ADGRB3: variants seen among roughly 807,000 people sequenced by gnomAD.
The protein encoded by ADGRB3 is brain-specific angiogenesis inhibitor 3.
In ADGRB3, 37 loss-of-function variants were observed where a neutral mutation model predicts 193.4. The observed-to-expected ratio is 0.19, with a 90% confidence interval of 0.15 to 0.25. The LOEUF (loss-of-function observed/expected upper bound fraction) is 0.25, where lower values mean the gene tolerates loss of function less well. ADGRB3 is among the 10% of genes least tolerant of loss of function. The pLI, the probability that ADGRB3 is intolerant of heterozygous loss-of-function variation, is 1.00. For missense variants in ADGRB3, 1,637 were observed against 1,852.9 expected, an observed-to-expected ratio of 0.88 and a Z score of 2.14; for synonymous variants, 690 against 644.2, an observed-to-expected ratio of 1.07 and a Z score of -1.08.
At chr6:68,929,671 A>G (rs1767283771) in intron 3 of ADGRB3, among the ~76,000 whole-genome samples, 1 of 152,160 alleles carries the variant, frequency 6.6e-6, no homozygotes, top group Non-Finnish European at 1.5e-5. Context: ...TCCATATATT[A>G]GGCTCTGATT....
At chr6:68,906,810 G>A (rs1056532534) in intron 3 of ADGRB3, among the ~76,000 whole-genome samples, 1 of 151,864 alleles carries the variant, frequency 6.6e-6, no homozygotes, top group African/African-American at 2.4e-5. Context: ...TTCCTGGTTT[G>A]TTGTTAAACT....
rs548404506 is a variant in ADGRB3 at position 68,753,533 on chromosome 6, C to T, written c.757+114101C>T. On this transcript the variant is annotated intron_variant, in intron 3 of 31. Coordinates refer to ENST00000370598, the MANE Select transcript of ADGRB3 (RefSeq NM_001704.3). Reference sequence around the variant, plus strand: ...TTTTGGGGAGTCATGGTCAAGTTCGCACTATGTAACAGGAAGGTAGAAACT... The same window carrying T: ...TTTTGGGGAGTCATGGTCAAGTTCGTACTATGTAACAGGAAGGTAGAAACT... Among the ~76,000 whole-genome samples the T allele has an allele frequency of 8.5e-5, 13 of 152,104 alleles. No individual in the cohort carries two copies. In the South Asian group the frequency reaches 2.3e-3, roughly 27 times the overall value.
chr6:68,937,030 T>C (rs1767504242), intron 5 of ADGRB3, among the ~76,000 whole-genome samples: 1 of 152,188 alleles, frequency 6.6e-6, no homozygotes, highest in South Asian at 2.1e-4. Context: ...ATACTAAAAA[T>C]ATAATGTATA....
At chr6:68,956,925 A>G (rs887847594) in intron 8 of ADGRB3, 116 bp downstream of exon 8, 1 of 1,150,782 alleles carries the variant, frequency 8.7e-7, no homozygotes, top group Non-Finnish European at 1.2e-6. Context: ...ACTACTAATG[A>G]TAGGTGGCAA....
chr6:69,120,291 A>G (rs1466194124), intron 17 of ADGRB3, among the ~76,000 whole-genome samples: 3 of 152,210 alleles, frequency 2.0e-5, no homozygotes, highest in Admixed American at 1.3e-4. Flanking sequence ...CTTGTTAGAA[A>G]TGCATACTTT....
chr6:69,330,631 T>C, intron 23 of ADGRB3, 59 bp downstream of exon 23: 6 of 1,440,510 alleles, frequency 4.2e-6, no homozygotes, highest in Non-Finnish European at 5.7e-6. Flanking sequence ...GACTACTTTC[T>C]TTCAATTAGA....
intron 3 of ADGRB3, among the ~76,000 whole-genome samples, chr6:68,785,527 G>A (rs1766949042): frequency 6.6e-6 from 1 of 151,860 alleles, no homozygotes; most frequent in Non-Finnish European, 1.5e-5. Context: ...TGGTGTATAT[G>A]TGCCACATTT....
At chr6:69,223,202 C>G (rs1460703088) in intron 17 of ADGRB3, among the ~76,000 whole-genome samples, 1 of 151,968 alleles carries the variant, frequency 6.6e-6, no homozygotes, top group Non-Finnish European at 1.5e-5. Context: ...TCCAGTGAAC[C>G]CTTATTTTTG....
At chr6:68,816,799 A>G (rs751543956) in intron 3 of ADGRB3, among the ~76,000 whole-genome samples, 2 of 152,130 alleles carry the variant, frequency 1.3e-5, no homozygotes, top group African/African-American at 2.4e-5. Flanking sequence ...TCCTAAGTAA[A>G]TGGGCAAATC....
intron 20 of ADGRB3, among the ~76,000 whole-genome samples, chr6:69,268,622 T>G (rs191545758): frequency 1.1e-4 from 16 of 152,284 alleles, no homozygotes; most frequent in Non-Finnish European, 1.9e-4. Flanking sequence ...TCTCAGGCCA[T>G]AAGACCCCTT....
chr6:69,233,146 C>G (rs755493644), intron 17 of ADGRB3, 144 bp from the exon 18 acceptor site: 4 of 1,180,104 alleles, frequency 3.4e-6, no homozygotes, highest in Non-Finnish European at 4.8e-6. Flanking sequence ...TAAATTACAT[C>G]CTGTTCAACA....
intron 10 of ADGRB3, among the ~76,000 whole-genome samples, chr6:68,992,018 T>G (rs1380578580): frequency 6.6e-6 from 1 of 152,110 alleles, no homozygotes; most frequent in Non-Finnish European, 1.5e-5. Flanking sequence ...CAACAAAATT[T>G]TGCTATGCTG....
At chr6:69,150,686 C>G (rs1269227468) in intron 17 of ADGRB3, among the ~76,000 whole-genome samples, 1 of 152,176 alleles carries the variant, frequency 6.6e-6, no homozygotes, top group East Asian at 1.9e-4. Flanking sequence ...AGGAGGCTTT[C>G]CTTGTACCCA....
Position 69,060,975 on chromosome 6 carries a change from G to A in ADGRB3, c.2334-1959G>A, listed in dbSNP as rs116639922. On this transcript the variant is annotated intron_variant, in intron 15 of 31. Transcript: ENST00000370598. The stretch of plus-strand genomic sequence containing the variant: ...TCACTTTTACTCACAGAAAAACATG[G>A]AAGAATAATTTGGCAAAAGAAGCTT... Among the ~76,000 whole-genome samples the A allele has an allele frequency of 6.6e-3, 996 of 151,662 alleles. 9 individuals carry two copies. The highest frequency in any genetic ancestry group is 0.024 in the Middle Eastern group (7 of 294).
chr6:69,177,330 T>A (rs1187582731), intron 17 of ADGRB3, among the ~76,000 whole-genome samples: 1 of 152,098 alleles, frequency 6.6e-6, no homozygotes, highest in Non-Finnish European at 1.5e-5. Context: ...ATGTTGTGTC[T>A]GTTTTTCTTT....
In ADGRB3 at chr6:68,640,557, G is replaced by A. The variant is rs115225374; in HGVS notation, c.757+1125G>A. Among the ~76,000 whole-genome samples the A allele has an allele frequency of 8.7e-3, 1,321 of 152,286 alleles. 12 individuals carry two copies. The highest frequency in any genetic ancestry group is 0.03 in the African/African-American group (1,243 of 41,562). ...TGTGTTGATTTCTTATGCAGGAAAT[G>A]TTTTCTGATTGCCACAAAGATCCCA... On this transcript the variant is annotated intron_variant, in intron 3 of 31. Transcript: ENST00000370598.
intron 20 of ADGRB3, among the ~76,000 whole-genome samples, chr6:69,298,159 G>A (rs1318633271): frequency 1.3e-5 from 2 of 151,850 alleles, no homozygotes; most frequent in South Asian, 2.1e-4. Flanking sequence ...TTGCAACAGG[G>A]GAGAGAGATT....
At chr6:69,244,856 A>G (rs1388191340) in intron 20 of ADGRB3, among the ~76,000 whole-genome samples, 1 of 152,072 alleles carries the variant, frequency 6.6e-6, no homozygotes, top group African/African-American at 2.4e-5. Context: ...AGAGAGTGGT[A>G]TGTTTAAGTG....
At chr6:68,714,177 T>C (rs1349442080) in intron 3 of ADGRB3, among the ~76,000 whole-genome samples, 2 of 151,788 alleles carry the variant, frequency 1.3e-5, no homozygotes, top group African/African-American at 4.8e-5. Flanking sequence ...GGTATTAATT[T>C]GTACTTCAGA....
Sources: allele counts gnomAD v4.1 joint callset (sites outside exome capture counted in the v4.1 genomes callset), GRCh38; gene constraint gnomAD v4.1.1; transcripts MANE v1.5; gene names NCBI Gene and HGNC (gene_info 2026-07-23, HGNC 2026-07-21).